Variants in AGBL1 observed in about 807,000 individuals in gnomAD.
The protein encoded by AGBL1 is AGBL carboxypeptidase 1, also known as cytosolic carboxypeptidase 4.
AGBL1 carries 130 observed loss-of-function variants against 118.9 expected under a neutral mutation model. The observed-to-expected ratio is 1.09, with a 90% CI of 0.95 to 1.26. The LOEUF (loss-of-function observed/expected upper bound fraction) is 1.26. Ranked by LOEUF, AGBL1 falls within the 50% of genes most tolerant of loss-of-function variation. The pLI is 0.00. For synonymous variants in AGBL1, 555 were observed against 478.9 expected, an observed-to-expected ratio of 1.16 and a Z score of -2.08; for missense variants, 1,584 against 1,298.1, an observed-to-expected ratio of 1.22 and a Z score of -3.38.
intron 22 of AGBL1, among the ~76,000 whole-genome samples, chr15:86,893,530 T>C (rs1024060920): frequency 3.3e-5 from 5 of 152,128 alleles, no homozygotes; most frequent in Admixed American, 2.6e-4. Flanking sequence ...TCTCAATAAA[T>C]ATGCAAATGA....
chr15:86,650,118 G>A (rs1196938733), intron 21 of AGBL1, among the ~76,000 whole-genome samples: 1 of 152,112 alleles, frequency 6.6e-6, no homozygotes, highest in African/African-American at 2.4e-5. Context: ...GTGGCACAGG[G>A]GGCATTTAGT....
intron 24 of AGBL1, among the ~76,000 whole-genome samples, chr15:87,020,866 A>AAAAC (rs1207231725): frequency 2.0e-5 from 3 of 152,154 alleles, no homozygotes; most frequent in African/African-American, 7.2e-5. Context: ...AATAAACAGA[A>AAAAC]AAACATTCCA....
chr15:86,583,835 C>T (rs1440190385), intron 21 of AGBL1, among the ~76,000 whole-genome samples: 1 of 152,156 alleles, frequency 6.6e-6, no homozygotes, highest in Non-Finnish European at 1.5e-5. Flanking sequence ...CATTTCTCCA[C>T]AGCCTCATCA....
chr15:86,147,529 A>T (rs901992334), intron 3 of AGBL1, among the ~76,000 whole-genome samples: 3 of 152,182 alleles, frequency 2.0e-5, no homozygotes, highest in Non-Finnish European at 2.9e-5. Context: ...GTCTGACATC[A>T]ATCTGTGAGG....
chr15:86,850,818 T>TA (rs2141457904), intron 22 of AGBL1, among the ~76,000 whole-genome samples: 1 of 118,426 alleles, frequency 8.4e-6, no homozygotes, highest in African/African-American at 3.1e-5. Context: ...TTCCAAAAGC[T>TA]AAAAAACAAA....
intron 23 of AGBL1, chr15:86,939,686 C>A (rs1472857676): frequency 2.6e-5 from 4 of 152,236 alleles, no homozygotes; most frequent in African/African-American, 9.7e-5. Context: ...TGTTTCCCTG[C>A]AGATATGCCA....
chr15:86,259,043 A>T (rs2078941912), intron 9 of AGBL1, among the ~76,000 whole-genome samples: 1 of 152,232 alleles, frequency 6.6e-6, no homozygotes, highest in African/African-American at 2.4e-5. Flanking sequence ...GCAGTGGGAT[A>T]TAGTTTACTG....
intron 22 of AGBL1, among the ~76,000 whole-genome samples, chr15:86,805,458 A>G (rs1336332737): frequency 6.6e-6 from 1 of 152,132 alleles, no homozygotes; most frequent in East Asian, 1.9e-4. Flanking sequence ...CTCAGCATCT[A>G]GCCCTCTCTG....
At chr15:86,275,225 C>A (rs1010146556) in intron 15 of AGBL1, among the ~76,000 whole-genome samples, 2 of 152,174 alleles carry the variant, frequency 1.3e-5, no homozygotes, top group African/African-American at 4.8e-5. Flanking sequence ...TAATACACAA[C>A]GGCTGATCTC....
intron 17 of AGBL1, among the ~76,000 whole-genome samples, chr15:86,389,218 T>C (rs2081242423): frequency 6.6e-6 from 1 of 152,176 alleles, no homozygotes; most frequent in East Asian, 1.9e-4. Flanking sequence ...GTTTTTTTCC[T>C]TGTCTTGGAA....
chr15:87,001,602 TA>T (rs1285083025), intron 24 of AGBL1, among the ~76,000 whole-genome samples: 1 of 152,094 alleles, frequency 6.6e-6, no homozygotes, highest in East Asian at 1.9e-4. Context: ...ACCAACAGTG[TA>T]AAAGTGTTCC....
chr15:86,472,768 A>C (rs2142105281), intron 18 of AGBL1, among the ~76,000 whole-genome samples: 1 of 152,276 alleles, frequency 6.6e-6, no homozygotes, highest in African/African-American at 2.4e-5. Flanking sequence ...AAAATACAAA[A>C]ATTAGCCAGG....
intron 18 of AGBL1, among the ~76,000 whole-genome samples, chr15:86,484,990 A>T (rs1247903658): frequency 6.6e-6 from 1 of 152,134 alleles, no homozygotes; most frequent in African/African-American, 2.4e-5. Context: ...CTTTGTAAAG[A>T]TTTTGGAAAA....
intron 1 of AGBL1, among the ~76,000 whole-genome samples, chr15:86,090,923 T>C (rs1223398140): frequency 2.0e-5 from 3 of 152,220 alleles, no homozygotes; most frequent in South Asian, 4.1e-4. Flanking sequence ...AAATTTCTTT[T>C]ACTGGAAGGC....
chr15:86,672,820 T>C (rs2085770269), intron 21 of AGBL1, among the ~76,000 whole-genome samples: 1 of 152,218 alleles, frequency 6.6e-6, no homozygotes, highest in Admixed American at 6.5e-5. Flanking sequence ...CCCTTAACTC[T>C]GAAGTAATGT....
chr15:87,002,311 G>T (rs1486592706), intron 24 of AGBL1, among the ~76,000 whole-genome samples: 4 of 151,822 alleles, frequency 2.6e-5, no homozygotes, highest in Admixed American at 1.3e-4. Context: ...TATTTCTGAG[G>T]GCTCTGTTCT....
chr15:86,230,154 T>C (rs985320840), intron 6 of AGBL1, among the ~76,000 whole-genome samples: 1 of 152,170 alleles, frequency 6.6e-6, no homozygotes, highest in African/African-American at 2.4e-5. Context: ...CCCGTCAGCC[T>C]GTTGCTCCAG....
chr15:86,566,892 C>A (rs1037481221), intron 21 of AGBL1, among the ~76,000 whole-genome samples: 1 of 152,176 alleles, frequency 6.6e-6, no homozygotes, highest in Non-Finnish European at 1.5e-5. Context: ...GAGAGCTCTA[C>A]ATTTCACAGT....
intron 17 of AGBL1, among the ~76,000 whole-genome samples, chr15:86,354,987 A>C (rs28488576): frequency 6.6e-6 from 1 of 151,968 alleles, no homozygotes; most frequent in Non-Finnish European, 1.5e-5. Context: ...TGAGAGAGAC[A>C]CCTAGTTGAC....
Sources: gnomAD v4.1 joint callset for allele counts (sites outside exome capture counted in the v4.1 genomes callset) on GRCh38, gnomAD v4.1.1 for gene constraint, MANE v1.5 for transcripts, NCBI Gene and HGNC (gene_info 2026-07-23, HGNC 2026-07-21) for gene names.